Variants in RYR2 observed in about 807,000 individuals in gnomAD.
RYR2 encodes ryanodine receptor 2, also known as cardiac muscle ryanodine receptor-calcium release channel.
RYR2 carries 227 observed loss-of-function variants against 601.1 expected under a neutral mutation model. The observed-to-expected ratio is 0.38, with a 90% CI of 0.34 to 0.42. The LOEUF is 0.42. Among genes scored for constraint, RYR2 ranks in the 10% least tolerant of loss-of-function variants. The pLI is 1.00. For missense variants in RYR2, 4,646 were observed against 6,156.5 expected, an observed-to-expected ratio of 0.75 and a Z score of 8.21; for synonymous variants, 2,223 against 2,175.1, an observed-to-expected ratio of 1.02 and a Z score of -0.61.
Position 237,243,943 on chromosome 1 carries a change from C to T in RYR2, c.49-26554C>T, listed in dbSNP as rs530219334. ...CCAGCTGTGAGATAGGCAGAGAGAG[C>T]TCCTCCTTCCTCAGTTTCATTACTG... On this transcript the variant is annotated intron_variant, in intron 1 of 104. Transcript: ENST00000366574. Among the ~76,000 whole-genome samples, 18 of 152,308 alleles carry T rather than the reference C, an allele frequency of 1.2e-4. 1 individual carries two copies. The South Asian group carries it at 3.7e-3, about 32-fold the overall frequency.
intron 10 of RYR2, among the ~76,000 whole-genome samples, chr1:237,404,274 T>C (rs1401497395): frequency 6.6e-6 from 1 of 152,074 alleles, no homozygotes; most frequent in Non-Finnish European, 1.5e-5. Flanking sequence ...CAAAAAATTA[T>C]AGAGAACAAC....
chr1:237,640,470 C>T (rs1681355344), intron 46 of RYR2, among the ~76,000 whole-genome samples: 1 of 152,212 alleles, frequency 6.6e-6, no homozygotes, highest in Non-Finnish European at 1.5e-5. Flanking sequence ...TCTGGGCAAG[C>T]ACTGTACTGG....
Position 237,824,097 on chromosome 1 carries a change from G to A in RYR2, c.14591-4284G>A, listed in dbSNP as rs564917961. Among the ~76,000 whole-genome samples, 9 of 152,236 alleles carry A rather than the reference G, an allele frequency of 5.9e-5. No homozygotes were observed. In the East Asian group the frequency reaches 1.7e-3, roughly 29 times the overall value. On this transcript the variant is annotated intron_variant, in intron 101 of 104. Transcript: ENST00000366574. The stretch of plus-strand genomic sequence containing the variant: ...GATTCACAGCCGAATTCTACCAGAG[G>A]TACAAAGAGGAGCTGGTACCATTCC...
intron 79 of RYR2, among the ~76,000 whole-genome samples, chr1:237,734,409 C>T (rs1038230575): frequency 1.3e-5 from 2 of 152,174 alleles, no homozygotes; most frequent in African/African-American, 4.8e-5. Context: ...ATGATCCAAT[C>T]ACCTCCCACC....
chr1:237,460,997 C>T, intron 16 of RYR2, among the ~76,000 whole-genome samples: 1 of 152,046 alleles, frequency 6.6e-6, no homozygotes, highest in Non-Finnish European at 1.5e-5. Flanking sequence ...TGTTGTTTTG[C>T]TTTTCAAAGA....
chr1:237,059,203 T>G (rs9428651), intron 1 of RYR2, among the ~76,000 whole-genome samples: 149,779 of 152,234 alleles, frequency 0.98, 73,715 homozygotes, highest in Middle Eastern at 1. Context: ...GTTAAGAGGG[T>G]GCTGTGTATA....
At chr1:237,154,975 C>T (rs932286930) in intron 1 of RYR2, among the ~76,000 whole-genome samples, 1 of 152,066 alleles carries the variant, frequency 6.6e-6, no homozygotes, top group African/African-American at 2.4e-5. Flanking sequence ...ACTTTCTACT[C>T]TTGTACTAAG....
intron 1 of RYR2, among the ~76,000 whole-genome samples, chr1:237,259,003 A>G (rs938524696): frequency 2.6e-5 from 4 of 152,122 alleles, no homozygotes; most frequent in African/African-American, 7.2e-5. Flanking sequence ...TGATGGAAAT[A>G]AAGTGAGGGC....
chr1:237,697,858 T>G (rs1687629980), intron 63 of RYR2, among the ~76,000 whole-genome samples: 1 of 152,128 alleles, frequency 6.6e-6, no homozygotes, highest in South Asian at 2.1e-4. Flanking sequence ...ATTCTGAGAC[T>G]TGAAGCACAA....
chr1:237,160,892 G>T lies in RYR2; in HGVS notation c.49-109605G>T, dbSNP rs1572054438. On this transcript the variant is annotated intron_variant, in intron 1 of 104. Transcript: ENST00000366574. Reference sequence around the variant, plus strand: ...TTATTACTAATGATTTATACATGCAGAAAGATAAACAGTTTCCACAAAGGC... The same window carrying T: ...TTATTACTAATGATTTATACATGCATAAAGATAAACAGTTTCCACAAAGGC... Among the ~76,000 whole-genome samples the T allele has an allele frequency of 3.3e-5, 5 of 152,190 alleles. No homozygotes were observed. In the East Asian group the frequency reaches 9.6e-4, roughly 29 times the overall value.
chr1:237,437,179 G>A (rs1707481235), intron 12 of RYR2, among the ~76,000 whole-genome samples: 1 of 151,590 alleles, frequency 6.6e-6, no homozygotes, highest in South Asian at 2.1e-4. Context: ...CAAGTAGCTG[G>A]GACTACAGGC....
Position 237,772,021 on chromosome 1 carries a change from A to G in RYR2, c.11567A>G (p.Asn3856Ser), listed in dbSNP as rs928641050. 6.6e-7 allele frequency: 1 copy of G among 1,526,000 alleles called. No homozygotes were observed. Among genetic ancestry groups the G allele is most frequent in the African/African-American group, 1.4e-5 (1 of 72,928 alleles). 94.5% of individuals were successfully genotyped at this position (1,526,000 alleles called of 1,614,324 possible). The change falls in exon 86 of 105, where the codon AAT becomes AGT. Residue 3856 changes from asparagine (N) to serine (S), a missense_variant. Coordinates refer to ENST00000366574, the MANE Select transcript of RYR2 (RefSeq NM_001035.3). ...TTTTTATCTTGCATAGATTTTCAGA[A>G]TTATCTGAGAACTCAGACTGGCAAT... The part of the protein sequence containing the change: ...LCEGHNSDFQ[N>S]YLRTQTGNNT...
At chr1:237,547,274 G>A (rs1669930316) in intron 25 of RYR2, among the ~76,000 whole-genome samples, 1 of 151,892 alleles carries the variant, frequency 6.6e-6, no homozygotes, top group Non-Finnish European at 1.5e-5. Flanking sequence ...CCAAAGTGCT[G>A]GGATTACAGG....
intron 23 of RYR2, among the ~76,000 whole-genome samples, chr1:237,508,169 C>T (rs562486027): frequency 6.6e-6 from 1 of 152,164 alleles, no homozygotes; most frequent in East Asian, 1.9e-4. Context: ...ACCATGTGGC[C>T]AGGCTGGTCT....
At chr1:237,273,385 T>C (rs1057059280) in intron 2 of RYR2, among the ~76,000 whole-genome samples, 4 of 152,196 alleles carry the variant, frequency 2.6e-5, no homozygotes, top group Non-Finnish European at 5.9e-5. Context: ...CTTCCGGCTC[T>C]GTGGCCTGGT....
At chr1:237,743,590 C>A in intron 80 of RYR2, 1 of 518,734 alleles carries the variant, frequency 1.9e-6, no homozygotes, top group Non-Finnish European at 3.8e-6. Flanking sequence ...TGTCCTCATC[C>A]TTCCTTAAGG....
chr1:237,099,534 A>G (rs1421607548), intron 1 of RYR2, among the ~76,000 whole-genome samples: 1 of 152,142 alleles, frequency 6.6e-6, no homozygotes, highest in Non-Finnish European at 1.5e-5. Flanking sequence ...CACTGTACCC[A>G]GCCTCTCAAT....
rs768288201 is a variant in RYR2, at chr1:237,783,865, G to A, written c.12153G>A (p.Ala4051=). The part of the protein sequence containing the change: ...GVISKRDFHK[A]MESHKHYTQS... ...TTTCCAAGAGGGACTTCCACAAAGC[G>A]ATGGAGAGCCATAAGCACTACACGC... The change falls in exon 90 of 105, where the codon GCG becomes GCA. Residue 4051 remains alanine, a synonymous_variant. Transcript: ENST00000366574. The A allele has an allele frequency of 8.1e-6, 13 of 1,613,674 alleles. No homozygotes were observed. Among genetic ancestry groups the A allele is most frequent in the Non-Finnish European group, 1.1e-5 (13 of 1,179,820 alleles).
chr1:237,183,264 G>A (rs1264282575), intron 1 of RYR2, among the ~76,000 whole-genome samples: 1 of 152,332 alleles, frequency 6.6e-6, no homozygotes, highest in African/African-American at 2.4e-5. Flanking sequence ...CCTAGGGCAA[G>A]CTATTCATGA....
Sources: allele counts gnomAD v4.1 joint callset (sites outside exome capture counted in the v4.1 genomes callset), GRCh38; gene constraint gnomAD v4.1.1; transcripts MANE v1.5; gene names NCBI Gene and HGNC (gene_info 2026-07-23, HGNC 2026-07-21).